The following ACBD5 variants were observed in gnomAD, a reference collection of about 807,000 sequenced individuals.
ACBD5 encodes the protein acyl-CoA binding domain containing 5, also known as acyl-CoA-binding domain-containing protein 5.
In ACBD5, 40 loss-of-function variants were observed where a neutral mutation model predicts 71.8. That is an observed-to-expected ratio of 0.56 (90% CI 0.43 to 0.72). The LOEUF (loss-of-function observed/expected upper bound fraction) is 0.72. ACBD5 is among the 30% of genes least tolerant of loss of function. The pLI is 0.00. For synonymous variants in ACBD5, 229 were observed against 218.6 expected (o/e 1.05, Z -0.42); for missense variants, 559 against 644.5 (o/e 0.87, Z 1.44).
rs1485128730 is a variant in ACBD5, at chr10:27,228,813, ATATTTTTTTTTTTT to A, written c.375+2921_375+2934del. ...TGTTTATATATATATATATATATAT[ATATTTTTTTTTTTT>A]TTTTTTTTTTTGAGACAGATTATTG... On this transcript the variant is annotated intron_variant, in intron 4 of 12. Transcript: ENST00000396271. Among the ~76,000 whole-genome samples the A allele has an allele frequency of 6.4e-3, 49 of 7,630 alleles. 2 individuals carry two copies. Among genetic ancestry groups the A allele is most frequent in the East Asian group, 9.2e-3 (6 of 650 alleles). The allele number at this position is 7,630 out of a possible 152,430, so 5.0% of individuals were successfully genotyped here.
At chr10:27,202,862 G>T (rs1341443295) in intron 12 of ACBD5, among the ~76,000 whole-genome samples, 1 of 151,054 alleles carries the variant, frequency 6.6e-6, no homozygotes, top group African/African-American at 2.4e-5. Flanking sequence ...TATTACCAGG[G>T]ATATTTAAAT....
At chr10:27,209,004 C>T (rs1275577122) in intron 9 of ACBD5, among the ~76,000 whole-genome samples, 1 of 152,014 alleles carries the variant, frequency 6.6e-6, no homozygotes, top group Non-Finnish European at 1.5e-5. Flanking sequence ...ATACATTATG[C>T]AAATAATTCA....
At chr10:27,235,289 A>T (rs1466367839) in intron 2 of ACBD5, 77 bp from the exon 3 acceptor site, 5 of 1,524,740 alleles carry the variant, frequency 3.3e-6, no homozygotes, top group Admixed American at 1.7e-5. Flanking sequence ...GCTTAGCTAT[A>T]CTAATAGTGA....
intron 10 of ACBD5, among the ~76,000 whole-genome samples, chr10:27,206,849 C>T (rs1468853068): frequency 6.6e-6 from 1 of 151,844 alleles, no homozygotes; most frequent in Non-Finnish European, 1.5e-5. Context: ...TCCTTATACA[C>T]CTTCTTGAGG....
At chr10:27,207,104 C>T (rs531929786) in intron 10 of ACBD5, among the ~76,000 whole-genome samples, 17 of 151,482 alleles carry the variant, frequency 1.1e-4, no homozygotes, top group African/African-American at 3.9e-4. Flanking sequence ...GGTGAAGCCC[C>T]GTCTCTACTA....
chr10:27,190,312 C>G (rs1045486069), downstream of ACBD5, among the ~76,000 whole-genome samples: 2 of 107,262 alleles, frequency 1.9e-5, no homozygotes, highest in African/African-American at 3.3e-5. Context: ...AATGTTTTGT[C>G]CCACCCCCAT....
At chr10:27,199,192 TTTTC>T (rs1455020250) in intron 12 of ACBD5, among the ~76,000 whole-genome samples, 1 of 151,584 alleles carries the variant, frequency 6.6e-6, no homozygotes, top group Admixed American at 6.6e-5. Context: ...CCCAATCTTT[TTTTC>T]TTTTTTTTTT....
chr10:27,231,994 G>T (rs1458878023), intron 3 of ACBD5, among the ~76,000 whole-genome samples, 174 bp from the exon 4 acceptor site: 1 of 152,110 alleles, frequency 6.6e-6, no homozygotes, highest in Non-Finnish European at 1.5e-5. Flanking sequence ...AAATAAACTA[G>T]CAAATTAAAT....
chr10:27,197,198 C>T lies in ACBD5; in HGVS notation c.*232G>A, dbSNP rs2059449357. 1.6e-6 allele frequency: 1 copy of T among 619,682 alleles called. No individual in the cohort carries two copies. Among genetic ancestry groups the T allele is most frequent in the African/African-American group, 1.8e-5 (1 of 54,162 alleles). The allele number at this position is 619,682 out of a possible 1,614,324, so 38.4% of individuals were successfully genotyped here. A position where few individuals can be genotyped will look rare whatever the true frequency, so the allele number is the denominator to read the frequency against. On this transcript the variant is annotated 3_prime_UTR_variant, in exon 13 of 13. Transcript: ENST00000396271. ...GGGCAGGGTAAATCTGTGTATACTA[C>T]TTATAACCTAGTAGAGATTGATTAT...
intron 4 of ACBD5, among the ~76,000 whole-genome samples, chr10:27,226,324 T>G (rs2063006001): frequency 6.6e-6 from 1 of 151,914 alleles, no homozygotes; most frequent in Non-Finnish European, 1.5e-5. Flanking sequence ...GAGGTTATTC[T>G]CTGAGGAAGC....
chr10:27,223,304 T>C (rs1185382622), intron 5 of ACBD5, 34 bp downstream of exon 5: 3 of 1,453,590 alleles, frequency 2.1e-6, no homozygotes, highest in Non-Finnish European at 2.9e-6. Flanking sequence ...AATATATCAG[T>C]TGATGAATTT....
chr10:27,210,766 A>T (rs1237453732), intron 9 of ACBD5, 48 bp downstream of exon 9: 2 of 1,613,240 alleles, frequency 1.2e-6, no homozygotes, highest in African/African-American at 2.7e-5. Context: ...TCTCAAAAAT[A>T]AGTAAGTAAA....
chr10:27,185,618 C>CAAAAAAAAAAAAAAA (rs34847161), intron 13 of ACBD5, among the ~76,000 whole-genome samples: 1 of 98,584 alleles, frequency 1.0e-5, no homozygotes, highest in Non-Finnish European at 2.0e-5. Flanking sequence ...AGGTGACAGA[C>CAAAAAAAAAAAAAAA]AAAAAAAAAA....
chr10:27,230,111 A>AG (rs1025674779), intron 4 of ACBD5, among the ~76,000 whole-genome samples: 47 of 151,600 alleles, frequency 3.1e-4, no homozygotes, highest in African/African-American at 9.4e-4. Context: ...AAAAAAAAAA[A>AG]AGAGAAATAG....
At chr10:27,220,451 A>C (rs1212208519) in intron 5 of ACBD5, 1 of 152,638 alleles carries the variant, frequency 6.6e-6, no homozygotes, top group East Asian at 1.9e-4. Context: ...ATGTGCATAC[A>C]AATCTTCTGA....
At chr10:27,228,813 ATATTTTTTTTTT>A (rs1249230814) in intron 4 of ACBD5, among the ~76,000 whole-genome samples, 78 of 7,626 alleles carry the variant, frequency 0.01, 1 homozygote, top group East Asian at 0.084. Context: ...ATATATATAT[ATATTTTTTTTTT>A]TTTTTTTTTT....
intron 8 of ACBD5, among the ~76,000 whole-genome samples, chr10:27,214,164 C>T (rs1021420120): frequency 1.3e-5 from 2 of 151,982 alleles, no homozygotes; most frequent in African/African-American, 4.8e-5. Context: ...AGATCTAGTA[C>T]CTGATAGCAC....
At chr10:27,189,833 T>G (rs1263290773) in intron 13 of ACBD5, among the ~76,000 whole-genome samples, 1 of 151,578 alleles carries the variant, frequency 6.6e-6, no homozygotes, top group African/African-American at 2.4e-5. Context: ...ATTGGATGAA[T>G]TTAGAAAAAG....
intron 4 of ACBD5, among the ~76,000 whole-genome samples, chr10:27,224,719 C>T (rs2479909): frequency 0.95 from 145,433 of 152,316 alleles, 69,489 homozygotes; most frequent in East Asian, 1. Context: ...CTGTGTGTGC[C>T]AATCACAGGA....
Sources: gnomAD v4.1 joint callset for allele counts (sites outside exome capture counted in the v4.1 genomes callset) on GRCh38, gnomAD v4.1.1 for gene constraint, MANE v1.5 for transcripts, NCBI Gene and HGNC (gene_info 2026-07-23, HGNC 2026-07-21) for gene names.